Variants in NFRKB observed in about 807,000 individuals in gnomAD.
NFRKB encodes the protein nuclear factor related to kappaB binding protein.
A neutral mutation model predicts 135.7 loss-of-function variants in NFRKB; 62 were observed. The ratio of observed to expected loss-of-function variants is 0.46; its 90% confidence interval spans 0.37 to 0.56. The LOEUF (loss-of-function observed/expected upper bound fraction) is 0.56, where lower values mean the gene tolerates loss of function less well. Ranked by LOEUF, NFRKB falls within the 20% of genes least tolerant of loss-of-function variation. NFRKB has a pLI of 0.00. For synonymous variants in NFRKB, 678 were observed against 635.6 expected (o/e 1.07, Z -1.00); for missense variants, 1,545 against 1,662.0 (o/e 0.93, Z 1.22).
Position 129,863,889 on chromosome 11 carries a change from G to A in NFRKB, c.*836C>T, listed in dbSNP as rs1033954820. 2.0e-5 allele frequency: 3 copies of A among 152,266 alleles called. No individual in the cohort carries two copies. Among genetic ancestry groups the A allele is most frequent in the African/African-American group, 7.2e-5 (3 of 41,444 alleles). 9.4% of individuals were successfully genotyped at this position (152,266 alleles called of 1,614,324 possible). A position where few individuals can be genotyped will look rare whatever the true frequency, so the allele number is the denominator to read the frequency against. The stretch of plus-strand genomic sequence containing the variant: ...AAGGTATACTCTGAACTGCAACAAA[G>A]TTTCTGCTGCAAAAGCAGCACCTCT... On this transcript the variant is annotated 3_prime_UTR_variant, in exon 27 of 27. Coordinates refer to ENST00000682444, the MANE Select transcript of NFRKB (RefSeq NM_001143835.2).
At chr11:129,865,817 TA>T in intron 25 of NFRKB, 59 bp downstream of exon 25, 1 of 1,497,746 alleles carries the variant, frequency 6.7e-7, no homozygotes, top group African/African-American at 1.4e-5. Flanking sequence ...CAAGGACTGG[TA>T]AGCCCTGCCT....
intron 1 of NFRKB, among the ~76,000 whole-genome samples, chr11:129,894,938 G>A (rs1178858424): frequency 6.6e-6 from 1 of 152,188 alleles, no homozygotes; most frequent in South Asian, 2.1e-4. Flanking sequence ...CTTCAGTGAC[G>A]GTGCGTGTCT....
Position 129,876,745 on chromosome 11 carries a change from C to T in NFRKB, c.1723G>A (p.Ala575Thr). The change falls in exon 17 of 27, where the codon GCC becomes ACC. Residue 575 changes from alanine to threonine, a missense_variant. By Grantham distance (58) the Ala-to-Thr change is moderately conservative. Transcript: ENST00000682444. ...CCAAGAGACAGAATGGTGACGTAGG[C>T]AGGCCGGTCGGAGCGCAGCAGGGAG... The part of the protein sequence containing the change: ...EHSLLRSDRP[A>T]YVTILSLVRD... 1 of 1,613,736 alleles carries T rather than the reference C, an allele frequency of 6.2e-7. No individual in the cohort carries two copies. The highest frequency in any genetic ancestry group is 8.5e-7 in the Non-Finnish European group (1 of 1,179,814).
chr11:129,882,211 A>C lies in NFRKB; in HGVS notation c.1083-17T>G. 1.9e-6 allele frequency: 3 copies of C among 1,586,490 alleles called. No individual in the cohort carries two copies. The highest frequency in any genetic ancestry group is 2.6e-6 in the Non-Finnish European group (3 of 1,169,282). On this transcript the variant is annotated splice_polypyrimidine_tract_variant and intron_variant, in intron 10 of 26. Transcript: ENST00000682444. ...TCAAGGGGCCTAATGAGGGAAGAAA[A>C]ATATAAGAACCAAAAAGACCAAGAA...
At chr11:129,873,618 G>A (rs1948620693) in intron 22 of NFRKB, 127 bp downstream of exon 22, 1 of 1,301,356 alleles carries the variant, frequency 7.7e-7, no homozygotes, top group Non-Finnish European at 1.1e-6. Context: ...TTATTCCGAT[G>A]AATGTCATCA....
At chr11:129,893,086 G>A in intron 2 of NFRKB, 1 of 1,409,674 alleles carries the variant, frequency 7.1e-7, no homozygotes, top group Non-Finnish European at 9.2e-7. Context: ...TTCTCAGAAT[G>A]CTCCTACAGT....
chr11:129,888,800 G>C lies in NFRKB; in HGVS notation c.136-5C>G. 1 of 1,606,994 alleles carries C rather than the reference G, an allele frequency of 6.2e-7. No homozygotes were observed. The highest frequency in any genetic ancestry group is 8.5e-7 in the Non-Finnish European group (1 of 1,175,196). On this transcript the variant is annotated splice_region_variant and splice_polypyrimidine_tract_variant and intron_variant, in intron 3 of 26. Transcript: ENST00000682444. ...AACATCAAAGAAGATCTCAGGCTAG[G>C]AGAAATAGGAAAAGTAAACAAAAGT...
At chr11:129,891,176 C>T (rs1949543829) in intron 3 of NFRKB, among the ~76,000 whole-genome samples, 1 of 152,100 alleles carries the variant, frequency 6.6e-6, no homozygotes, top group East Asian at 1.9e-4. Flanking sequence ...AAAGCAACAG[C>T]TAGGAGATGC....
rs781186894 is a variant in NFRKB, at chr11:129,883,170, T to C, written c.853A>G (p.Asn285Asp). ...GCATTTACTCGAGTCATGATGTCATTGAGAGTCAGGTCCCCTGTCAAAAGG... is the reference window on the plus strand; with the variant it reads ...GCATTTACTCGAGTCATGATGTCATCGAGAGTCAGGTCCCCTGTCAAAAGG... The part of the protein sequence containing the change: ...PDLLTGDLTL[N>D]DIMTRVNAGR... Residue 285 changes from asparagine to aspartate, a missense_variant, in exon 9 of 27, where the codon AAT (asparagine) becomes GAT (aspartate). Physicochemically the swap from Asn to Asp is conservative, Grantham distance 23 (BLOSUM62 1). This residue lies in a region of NFRKB where 678 missense variants were observed against 646.7 expected (regional missense o/e 1.05). Coordinates refer to ENST00000682444, the MANE Select transcript of NFRKB (RefSeq NM_001143835.2). 2 of 1,614,020 alleles carry C rather than the reference T, an allele frequency of 1.2e-6. No homozygotes were observed. The highest frequency in any genetic ancestry group is 1.7e-6 in the Non-Finnish European group (2 of 1,179,972).
Position 129,874,933 on chromosome 11 carries a change from G to C in NFRKB, c.1855-17C>G. The C allele has an allele frequency of 6.2e-7, 1 of 1,613,570 alleles. No individual in the cohort carries two copies. Among genetic ancestry groups the C allele is most frequent in the Non-Finnish European group, 8.5e-7 (1 of 1,179,646 alleles). On this transcript the variant is annotated splice_polypyrimidine_tract_variant and intron_variant, in intron 18 of 26. Transcript: ENST00000682444. This position sits in a 1 kb window ranked among gnomAD's most constrained non-coding sequence, Gnocchi z 4.5. ...TGTATTTACCTACAAATCAGACAAA[G>C]GGAAATAAGAAACAAGTCAAGCTTA... is the stretch of plus-strand genomic sequence containing the variant.
Position 129,870,233 on chromosome 11 carries a change from T to C in NFRKB, c.2792A>G (p.Lys931Arg), listed in dbSNP as rs968045262. Reference sequence around the variant, plus strand: ...TGGAATGCTGTTGCCTGTTTGGGGCTTCACACCAAGCTGCCCAGTGATTGC... The same window carrying C: ...TGGAATGCTGTTGCCTGTTTGGGGCCTCACACCAAGCTGCCCAGTGATTGC... ...QVAITGQLGV[K>R]PQTGNSIPLT... is the part of the protein sequence containing the mutation. The change falls in exon 24 of 27, where the codon AAG (lysine) becomes AGG (arginine). Residue 931 changes from lysine (K) to arginine (R), a missense_variant. Around this residue, in one of 3 missense-constraint regions of NFRKB, gnomAD observed 753 missense variants for 804.3 expected, o/e 0.94. Coordinates refer to ENST00000682444, the MANE Select transcript of NFRKB (RefSeq NM_001143835.2). 1.2e-6 allele frequency: 2 copies of C among 1,613,862 alleles called. No homozygotes were observed. Among genetic ancestry groups the C allele is most frequent in the African/African-American group, 2.7e-5 (2 of 74,932 alleles).
intron 15 of NFRKB, among the ~76,000 whole-genome samples, chr11:129,877,761 A>T (rs1948835848): frequency 8.7e-6 from 1 of 115,516 alleles, no homozygotes; most frequent in Non-Finnish European, 1.9e-5. Flanking sequence ...CAGGGAAAGT[A>T]CCCGGGGCTT....
Position 129,884,148 on chromosome 11 carries a change from G to T in NFRKB, c.743-5C>A. The stretch of plus-strand genomic sequence containing the variant: ...TGTCCCCCAGTTCTACTTTATCTGA[G>T]AAAACAAACCAAACCATATTCACTA... On this transcript the variant is annotated splice_region_variant and splice_polypyrimidine_tract_variant and intron_variant, in intron 7 of 26. Coordinates refer to ENST00000682444, the MANE Select transcript of NFRKB (RefSeq NM_001143835.2). 1 of 1,613,858 alleles carries T rather than the reference G, an allele frequency of 6.2e-7. No individual in the cohort carries two copies. Among genetic ancestry groups the T allele is most frequent in the Non-Finnish European group, 8.5e-7 (1 of 1,179,782 alleles).
intron 10 of NFRKB, 85 bp from the exon 11 acceptor site, chr11:129,882,279 C>A: frequency 1.5e-6 from 2 of 1,373,344 alleles, no homozygotes; most frequent in South Asian, 2.7e-5. Flanking sequence ...TCCTAGCAGT[C>A]ATAAAAGAGT....
chr11:129,872,532 C>G (rs1297300790), intron 23 of NFRKB: 1 of 185,292 alleles, frequency 5.4e-6, no homozygotes, highest in Non-Finnish European at 1.1e-5. Flanking sequence ...TATTCACAAC[C>G]AAGAAAGTAG....
At chr11:129,875,035 G>C in intron 18 of NFRKB, 119 bp from the exon 19 acceptor site, 1 of 1,287,974 alleles carries the variant, frequency 7.8e-7, no homozygotes, top group South Asian at 1.3e-5. Context: ...TTCTATCTCA[G>C]CCTAGCTGCG....
chr11:129,870,457 T>C (rs113028085), intron 23 of NFRKB, among the ~76,000 whole-genome samples, 196 bp from the exon 24 acceptor site: 3 of 152,316 alleles, frequency 2.0e-5, no homozygotes, highest in African/African-American at 7.2e-5. Context: ...AAATTAATAC[T>C]TTGTTTTAGC....
rs138236115 is a variant in NFRKB, at chr11:129,882,982, C to G, written c.901+140G>C. 251 of 700,592 alleles carry G rather than the reference C, an allele frequency of 3.6e-4. 1 individual carries two copies. In the African/African-American group the frequency reaches 4.4e-3, roughly 12 times the overall value. 43.4% of individuals were successfully genotyped at this position (700,592 alleles called of 1,614,324 possible). ...GTACTGATTTTACATTCATTTCCCA[C>G]CTGTTAGCCTGTAAGAGGTAATAAT... On this transcript the variant is annotated intron_variant, in intron 9 of 26. Transcript: ENST00000682444.
rs552158410 is a variant in NFRKB, at chr11:129,874,385, AG to A, written c.2059-53del. 26 of 1,523,048 alleles carry A rather than the reference AG, an allele frequency of 1.7e-5. No homozygotes were observed. The highest frequency in any genetic ancestry group is 2.3e-5 in the Non-Finnish European group (26 of 1,138,200). 94.3% of individuals were successfully genotyped at this position (1,523,048 alleles called of 1,614,324 possible). ...CCTGGTGTCGTGAAGATCCCCCTAA[AG>A]GAAGGGACACCCCTACAGCTCCTGA... On this transcript the variant is annotated intron_variant, in intron 20 of 26. Transcript: ENST00000682444. The surrounding 1 kb of genome is among the most constrained non-coding windows in gnomAD (Gnocchi z 4.5).
Sources: allele counts gnomAD v4.1 joint callset (sites outside exome capture counted in the v4.1 genomes callset), GRCh38; gene constraint gnomAD v4.1.1; regional missense constraint gnomAD v4.1.1; non-coding constraint Gnocchi (gnomAD v3.1); transcripts MANE v1.5; gene names NCBI Gene and HGNC (gene_info 2026-07-23, HGNC 2026-07-21).